CADM2: variants seen among roughly 807,000 people sequenced by gnomAD.
CADM2 encodes the protein cell adhesion molecule 2.
CADM2 carries 12 observed loss-of-function variants against 49.8 expected under a neutral mutation model. The observed-to-expected ratio is 0.24, with a 90% CI of 0.15 to 0.39. CADM2 has a LOEUF of 0.39. CADM2 is among the 10% of genes least tolerant of loss of function. The pLI is 1.00. For synonymous variants in CADM2, 214 were observed against 175.4 expected, an observed-to-expected ratio of 1.22 and a Z score of -1.74; for missense variants, 378 against 492.3, an observed-to-expected ratio of 0.77 and a Z score of 2.20.
At chr3:85,303,724 TA>T (rs1444797405) in intron 1 of CADM2, among the ~76,000 whole-genome samples, 5 of 151,966 alleles carry the variant, frequency 3.3e-5, no homozygotes, top group African/African-American at 1.2e-4. Context: ...TTCCCTTTTT[TA>T]AGATAAGTAG....
chr3:85,471,327 G>A (rs556777836), intron 1 of CADM2, among the ~76,000 whole-genome samples: 1 of 152,250 alleles, frequency 6.6e-6, no homozygotes, highest in Non-Finnish European at 1.5e-5. Flanking sequence ...CAAGATGAAA[G>A]TGTTAAGTCT....
intron 1 of CADM2, among the ~76,000 whole-genome samples, chr3:85,715,726 A>G (rs1253760917): frequency 1.3e-5 from 2 of 151,732 alleles, no homozygotes; most frequent in East Asian, 1.9e-4. Context: ...TCATTGTTCA[A>G]CTCCCACTTA....
At chr3:85,909,394 A>T (rs1443279368) in intron 5 of CADM2, among the ~76,000 whole-genome samples, 1 of 139,312 alleles carries the variant, frequency 7.2e-6, no homozygotes, top group Non-Finnish European at 1.6e-5. Context: ...TGAAAAATGT[A>T]AAATGAAATA....
intron 1 of CADM2, among the ~76,000 whole-genome samples, chr3:85,693,821 G>A (rs759690923): frequency 6.7e-6 from 1 of 148,620 alleles, no homozygotes; most frequent in East Asian, 2.0e-4. Context: ...ACTTGAACCC[G>A]GGAGGCAGAG....
chr3:85,200,199 C>T (rs912021230), intron 1 of CADM2, among the ~76,000 whole-genome samples: 1 of 151,934 alleles, frequency 6.6e-6, no homozygotes, highest in Non-Finnish European at 1.5e-5. Context: ...GTTAATATGA[C>T]CTTCCTTGCA....
intron 1 of CADM2, among the ~76,000 whole-genome samples, chr3:85,459,914 AT>A (rs34266527): frequency 0.25 from 37,592 of 152,052 alleles, 4,827 homozygotes; most frequent in South Asian, 0.34. Context: ...TTGTTACTGC[AT>A]TGTTTCATCT....
At chr3:85,341,485 T>A (rs929699962) in intron 1 of CADM2, among the ~76,000 whole-genome samples, 1 of 151,978 alleles carries the variant, frequency 6.6e-6, no homozygotes, top group African/African-American at 2.4e-5. Flanking sequence ...AAAATCCTAG[T>A]TAAAATGAGT....
intron 1 of CADM2, among the ~76,000 whole-genome samples, chr3:85,600,077 G>A (rs1358062372): frequency 6.6e-6 from 1 of 151,952 alleles, no homozygotes; most frequent in Non-Finnish European, 1.5e-5. Context: ...CCATGGGAAA[G>A]TAAAGCTGAT....
intron 1 of CADM2, among the ~76,000 whole-genome samples, chr3:85,233,318 A>T (rs1271041526): frequency 6.6e-6 from 1 of 152,108 alleles, no homozygotes; most frequent in Non-Finnish European, 1.5e-5. Flanking sequence ...AATGATGGTG[A>T]TATTATGCAT....
At chr3:85,960,609 T>A (rs1256042191) in intron 7 of CADM2, among the ~76,000 whole-genome samples, 1 of 152,008 alleles carries the variant, frequency 6.6e-6, no homozygotes, top group East Asian at 1.9e-4. Context: ...TTACCTAGGA[T>A]AACAACTAGC....
intron 1 of CADM2, among the ~76,000 whole-genome samples, chr3:85,116,437 A>T (rs968050300): frequency 1.3e-5 from 2 of 152,122 alleles, no homozygotes; most frequent in African/African-American, 2.4e-5. Flanking sequence ...AAATAAGAAA[A>T]TTAAAATAAT....
intron 1 of CADM2, among the ~76,000 whole-genome samples, chr3:85,143,244 G>A (rs2039631381): frequency 6.6e-6 from 1 of 152,020 alleles, no homozygotes; most frequent in South Asian, 2.1e-4. Flanking sequence ...GCACTTTCGG[G>A]GGCCAAGACA....
intron 1 of CADM2, among the ~76,000 whole-genome samples, chr3:85,654,735 C>T (rs1050083946): frequency 7.9e-5 from 12 of 152,090 alleles, no homozygotes; most frequent in Admixed American, 5.9e-4. Flanking sequence ...TTGTCACTCC[C>T]GTGAAATACC....
chr3:85,741,680 G>T (rs1448354758), intron 2 of CADM2, among the ~76,000 whole-genome samples: 2 of 152,068 alleles, frequency 1.3e-5, no homozygotes, highest in African/African-American at 2.4e-5. Context: ...AAAAATAGTT[G>T]TCTCACATAT....
At chr3:85,734,554 TATG>T (rs1260113204) in intron 2 of CADM2, among the ~76,000 whole-genome samples, 1 of 149,830 alleles carries the variant, frequency 6.7e-6, no homozygotes, top group Non-Finnish European at 1.5e-5. Context: ...TATATACATA[TATG>T]ATTATATATA....
chr3:85,913,939 A>G (rs1717951113), intron 6 of CADM2, among the ~76,000 whole-genome samples: 1 of 152,092 alleles, frequency 6.6e-6, no homozygotes, highest in African/African-American at 2.4e-5. Context: ...AGGAATAGCA[A>G]GGGTGCCAGT....
intron 1 of CADM2, among the ~76,000 whole-genome samples, chr3:85,152,881 G>A (rs575600679): frequency 7.9e-5 from 12 of 151,226 alleles, no homozygotes; most frequent in South Asian, 2.1e-4. Flanking sequence ...GGAGAATGGC[G>A]TGAACCCAGG....
chr3:85,063,183 CTAATT>C (rs1442432200), intron 1 of CADM2, among the ~76,000 whole-genome samples: 3 of 151,682 alleles, frequency 2.0e-5, no homozygotes, highest in Non-Finnish European at 4.4e-5. Context: ...TAAAATAAAA[CTAATT>C]TAATCTCTGT....
In CADM2 at chr3:85,761,367, C is replaced by CA. The variant is rs1435295947; in HGVS notation, c.88+34819_88+34820insA. ...AAAACTGTTGATATACAACACAAAA[C>CA]TTTTTTTTTTTTTTTTTTTTTTTGG... On this transcript the variant is annotated intron_variant, in intron 2 of 9. Coordinates refer to ENST00000383699, the MANE Select transcript of CADM2 (RefSeq NM_001167675.2). Among the ~76,000 whole-genome samples, 199 of 101,090 alleles carry CA rather than the reference C, an allele frequency of 2.0e-3. 4 individuals carry two copies. Among genetic ancestry groups the CA allele is most frequent in the Non-Finnish European group, 2.1e-3 (118 of 55,788 alleles). The allele number at this position is 101,090 out of a possible 152,430, so 66.3% of individuals were successfully genotyped here. A position where few individuals can be genotyped will look rare whatever the true frequency, so the allele number is the denominator to read the frequency against.
Sources: allele counts gnomAD v4.1 joint callset (sites outside exome capture counted in the v4.1 genomes callset), GRCh38; gene constraint gnomAD v4.1.1; transcripts MANE v1.5; gene names NCBI Gene and HGNC (gene_info 2026-07-23, HGNC 2026-07-21).